SHANK2: variants seen among roughly 807,000 people sequenced by gnomAD.
The protein encoded by SHANK2 is SH3 and multiple ankyrin repeat domains 2.
In SHANK2, 43 loss-of-function variants were observed where a neutral mutation model predicts 133.7. The observed-to-expected ratio is 0.32, with a 90% CI of 0.25 to 0.41. The LOEUF (loss-of-function observed/expected upper bound fraction) is 0.41. Among genes scored for constraint, SHANK2 ranks in the 10% least tolerant of loss-of-function variants. The pLI, the probability that SHANK2 is intolerant of heterozygous loss-of-function variation, is 1.00. For missense variants in SHANK2, 1,994 were observed against 2,235.8 expected (o/e 0.89, Z 2.18); for synonymous variants, 1,017 against 952.8 (o/e 1.07, Z -1.24).
At chr11:70,832,801 C>T (rs1351737506) in intron 11 of SHANK2, among the ~76,000 whole-genome samples, 3 of 152,192 alleles carry the variant, frequency 2.0e-5, no homozygotes, top group Non-Finnish European at 4.4e-5. Flanking sequence ...ACGCTACCAG[C>T]TGCCCCAGAC....
intron 17 of SHANK2, among the ~76,000 whole-genome samples, chr11:70,621,278 G>C (rs2060825692): frequency 6.6e-6 from 1 of 152,216 alleles, no homozygotes; most frequent in African/African-American, 2.4e-5. Flanking sequence ...AGCCCCTCTT[G>C]TCCTGATCAC....
chr11:71,118,357 G>C (rs1449632591), intron 4 of SHANK2, among the ~76,000 whole-genome samples: 3 of 152,194 alleles, frequency 2.0e-5, no homozygotes, highest in African/African-American at 7.2e-5. Context: ...ATAAAGGAAA[G>C]AGGTTTAGTT....
At chr11:71,073,102 T>G (rs1350905906) in intron 9 of SHANK2, among the ~76,000 whole-genome samples, 1 of 151,590 alleles carries the variant, frequency 6.6e-6, no homozygotes, top group African/African-American at 2.4e-5. Flanking sequence ...ATCTGTCCCA[T>G]GCAGTGGTGG....
intron 9 of SHANK2, among the ~76,000 whole-genome samples, chr11:71,066,060 A>G (rs1183049279): frequency 3.8e-4 from 33 of 85,748 alleles, no homozygotes; most frequent in Admixed American, 6.0e-4. Context: ...GAACTCTCCC[A>G]GGGAGATGAG....
chr11:70,716,397 C>T (rs782225918), intron 14 of SHANK2, among the ~76,000 whole-genome samples: 29 of 152,132 alleles, frequency 1.9e-4, no homozygotes, highest in East Asian at 1.5e-3. Context: ...TTAAGGATGC[C>T]GGCAGCTGAG....
chr11:70,628,410 C>T (rs1387475498), intron 17 of SHANK2, among the ~76,000 whole-genome samples: 1 of 152,140 alleles, frequency 6.6e-6, no homozygotes. Context: ...CACATGTGCC[C>T]CCCTCTGTCC....
chr11:70,864,103 C>A, intron 11 of SHANK2: 1 of 294,920 alleles, frequency 3.4e-6, no homozygotes, highest in Non-Finnish European at 6.7e-6. Context: ...TGCCCACACA[C>A]CTTGCTTTCT....
chr11:70,555,841 G>A (rs1554979438), intron 17 of SHANK2, among the ~76,000 whole-genome samples: 1 of 152,212 alleles, frequency 6.6e-6, no homozygotes, highest in Non-Finnish European at 1.5e-5. Flanking sequence ...AGAAAATCAA[G>A]CCGGTCACAA....
Position 70,953,166 on chromosome 11 carries a change from T to G in SHANK2, c.1108-56599A>C, listed in dbSNP as rs1950869873. 4.6e-5 allele frequency among the ~76,000 whole-genome samples: 7 copies of G among 151,874 alleles called. No individual in the cohort carries two copies. In the South Asian group the frequency reaches 1.5e-3, roughly 32 times the overall value. On this transcript the variant is annotated intron_variant, in intron 10 of 25. Transcript: ENST00000601538. ...CATTAAAATTTAATCCCCAGTGTGG[T>G]GGTGTTGGGAGCTGGGCCTAGCAGG...
intron 17 of SHANK2, among the ~76,000 whole-genome samples, chr11:70,618,352 T>C (rs1298469381): frequency 4.0e-5 from 6 of 151,722 alleles, no homozygotes; most frequent in African/African-American, 1.5e-4. Context: ...CAGGGGTGAT[T>C]TCAGAAGGTC....
chr11:70,663,802 C>T (rs1225508649), intron 15 of SHANK2, among the ~76,000 whole-genome samples: 22 of 152,340 alleles, frequency 1.4e-4, no homozygotes, highest in African/African-American at 4.8e-4. Flanking sequence ...GGCCACCAAA[C>T]AAGGGCTGAC....
chr11:70,534,620 C>T (rs1453230766), intron 17 of SHANK2, among the ~76,000 whole-genome samples: 1 of 152,158 alleles, frequency 6.6e-6, no homozygotes, highest in Non-Finnish European at 1.5e-5. Context: ...TGGTCTTGCC[C>T]CTGAGCCAGG....
intron 17 of SHANK2, among the ~76,000 whole-genome samples, chr11:70,546,398 C>T (rs552074664): frequency 3.9e-5 from 6 of 152,116 alleles, no homozygotes; most frequent in African/African-American, 1.4e-4. Flanking sequence ...GCTATCTAGC[C>T]TCCGCCTCCC....
chr11:70,479,471 G>A lies in SHANK2; in HGVS notation c.4979+5843C>T, dbSNP rs1278976760. Among the ~76,000 whole-genome samples, 2 of 152,212 alleles carry A rather than the reference G, an allele frequency of 1.3e-5. No homozygotes were observed. Among genetic ancestry groups the A allele is most frequent in the African/African-American group, 4.8e-5 (2 of 41,452 alleles). Reference sequence around the variant, plus strand: ...AAACTCGCCTGAGCTCACATCCCAGGTAGCCTGAACTCCCTCAGGGGCCTC... The same window carrying A: ...AAACTCGCCTGAGCTCACATCCCAGATAGCCTGAACTCCCTCAGGGGCCTC... On this transcript the variant is annotated intron_variant, in intron 25 of 25. Coordinates refer to ENST00000601538, the MANE Select transcript of SHANK2 (RefSeq NM_012309.5). The surrounding 1 kb of genome is among the most constrained non-coding windows in gnomAD (Gnocchi z 4.4).
At chr11:70,602,950 C>T (rs139490821) in intron 17 of SHANK2, among the ~76,000 whole-genome samples, 29 of 152,270 alleles carry the variant, frequency 1.9e-4, no homozygotes, top group Non-Finnish European at 3.4e-4. Flanking sequence ...ACACACACAC[C>T]GGGGAGGCAG....
Position 70,473,694 on chromosome 11 carries a change from C to A in SHANK2, c.4980-255G>T. 3.4e-6 allele frequency: 2 copies of A among 582,642 alleles called. No individual in the cohort carries two copies. 36.1% of individuals were successfully genotyped at this position (582,642 alleles called of 1,614,324 possible). A position where few individuals can be genotyped will look rare whatever the true frequency, so the allele number is the denominator to read the frequency against. On this transcript the variant is annotated intron_variant, in intron 25 of 25. Transcript: ENST00000601538. The surrounding 1 kb of genome is among the most constrained non-coding windows in gnomAD (Gnocchi z 5.9). ...GAACTGGGACAGAGGGGCTGGGGGA[C>A]CTGCCTGTGCTGGGGGGAGCACACC...
chr11:70,769,550 G>A (rs558112246), intron 14 of SHANK2, among the ~76,000 whole-genome samples: 4 of 141,758 alleles, frequency 2.8e-5, no homozygotes, highest in African/African-American at 9.0e-5. Flanking sequence ...TGGTGCACAC[G>A]GCAGGGGGTG....
intron 21 of SHANK2, chr11:70,495,934 A>C (rs1160181151): frequency 6.4e-6 from 1 of 155,332 alleles, no homozygotes; most frequent in Non-Finnish European, 1.5e-5. Flanking sequence ...GTGGAGATGC[A>C]GGAAGGCCCA....
chr11:70,626,538 A>G (rs1402989943), intron 17 of SHANK2, among the ~76,000 whole-genome samples: 4 of 152,202 alleles, frequency 2.6e-5, no homozygotes, highest in African/African-American at 4.8e-5. Context: ...AACAGGAAAG[A>G]TGGACAGCTC....
Sources: gnomAD v4.1 joint callset for allele counts (sites outside exome capture counted in the v4.1 genomes callset) on GRCh38, gnomAD v4.1.1 for gene constraint, Gnocchi (gnomAD v3.1) non-coding constraint, MANE v1.5 for transcripts, NCBI Gene and HGNC (gene_info 2026-07-23, HGNC 2026-07-21) for gene names.